FAM118A: variants seen among roughly 807,000 people sequenced by gnomAD.
FAM118A encodes protein FAM118A.
A neutral mutation model predicts 38.2 loss-of-function variants in FAM118A; 25 were observed. The observed-to-expected ratio is 0.65, with a 90% CI of 0.48 to 0.91. FAM118A has a LOEUF of 0.91. Among genes scored for constraint, FAM118A ranks in the 40% least tolerant of loss-of-function variants. FAM118A has a pLI of 0.00. For synonymous variants in FAM118A, 178 were observed against 184.1 expected, an observed-to-expected ratio of 0.97 and a Z score of 0.27; for missense variants, 425 against 463.3, an observed-to-expected ratio of 0.92 and a Z score of 0.76.
chr22:45,321,861 G>A, intron 1 of FAM118A: 1 of 173,482 alleles, frequency 5.8e-6, no homozygotes, highest in Admixed American at 5.6e-5. Flanking sequence ...GGGGAGGGCT[G>A]GTGCCTTGGA....
intron 4 of FAM118A, chr22:45,328,756 C>T: frequency 2.6e-6 from 1 of 377,616 alleles, no homozygotes; most frequent in East Asian, 4.2e-5. Flanking sequence ...CCAGCCTGGG[C>T]AAGAGAGTGA....
chr22:45,329,191 C>T (rs1475802269), intron 4 of FAM118A: 1 of 152,238 alleles, frequency 6.6e-6, no homozygotes, highest in African/African-American at 2.4e-5. Context: ...TTATAAATAA[C>T]ACTACAGGGT....
intron 1 of FAM118A, among the ~76,000 whole-genome samples, chr22:45,317,573 C>T (rs1031445101): frequency 4.6e-5 from 7 of 152,224 alleles, no homozygotes; most frequent in East Asian, 3.8e-4. Context: ...CACAGAGCCT[C>T]GTGATGTTCG....
intron 3 of FAM118A, among the ~76,000 whole-genome samples, chr22:45,324,909 T>A (rs999729541): frequency 1.3e-5 from 2 of 152,170 alleles, no homozygotes; most frequent in African/African-American, 4.8e-5. Flanking sequence ...TAACCTGGCG[T>A]GGTGGCAGGC....
At chr22:45,310,332 C>A (rs1238378349) in intron 1 of FAM118A, 149 bp downstream of exon 1, 1 of 151,850 alleles carries the variant, frequency 6.6e-6, no homozygotes, top group Non-Finnish European at 1.5e-5. Flanking sequence ...CCCTCAGGAT[C>A]CGCCCTGCCC....
chr22:45,335,607 G>A (rs73890288), intron 7 of FAM118A, among the ~76,000 whole-genome samples: 3,690 of 152,200 alleles, frequency 0.024, 146 homozygotes, highest in African/African-American at 0.084. Flanking sequence ...CGAATCACAC[G>A]TGAGCCAGCT....
At chr22:45,340,307 C>T (rs1266054272) in intron 8 of FAM118A, 79 bp from the exon 9 acceptor site, 9 of 1,543,296 alleles carry the variant, frequency 5.8e-6, no homozygotes. Flanking sequence ...AAAGCAGTTT[C>T]TGAAATAGAA....
At chr22:45,333,715 T>C (rs2085891205) in intron 6 of FAM118A, among the ~76,000 whole-genome samples, 1 of 147,900 alleles carries the variant, frequency 6.8e-6, no homozygotes, top group Non-Finnish European at 1.5e-5. Flanking sequence ...GTGGTGGACA[T>C]CTGTGATACC....
At position 45,330,583 on chromosome 22, in the gene FAM118A, C is replaced by G. The variant is rs904159432; in HGVS notation, c.523-20C>G. ...ACAGTTTGAGGATGTGTTTCTTTTT[C>G]TTGGCTTGATGTTTGGTAGGTCCTT... On this transcript the variant is annotated intron_variant, in intron 4 of 8. Coordinates refer to ENST00000441876, the MANE Select transcript of FAM118A (RefSeq NM_017911.4). The G allele has an allele frequency of 2.0e-6, 3 of 1,501,350 alleles. No homozygotes were observed. The African/African-American group carries it at 4.2e-5, about 21-fold the overall frequency. The allele number at this position is 1,501,350 out of a possible 1,614,324, so 93.0% of individuals were successfully genotyped here. A position where few individuals can be genotyped will look rare whatever the true frequency, so the allele number is the denominator to read the frequency against.
chr22:45,337,862 A>G lies in FAM118A; in HGVS notation c.1054+1451A>G, dbSNP rs1053264565. On this transcript the variant is annotated intron_variant, in intron 8 of 8. Coordinates refer to ENST00000441876, the MANE Select transcript of FAM118A (RefSeq NM_017911.4). ...TCTGTGCCATCCTCATGCTCGCGGGAGTTTTGGCATGGGATTCTCCGTTGT... is the reference window on the plus strand; with the variant it reads ...TCTGTGCCATCCTCATGCTCGCGGGGGTTTTGGCATGGGATTCTCCGTTGT... 5.1e-6 allele frequency: 5 copies of G among 985,044 alleles called. No homozygotes were observed. The African/African-American group carries it at 8.8e-5, about 17-fold the overall frequency. 61.0% of individuals were successfully genotyped at this position (985,044 alleles called of 1,614,324 possible).
intron 1 of FAM118A, among the ~76,000 whole-genome samples, chr22:45,313,467 C>T (rs1403736840): frequency 2.0e-5 from 3 of 151,860 alleles, no homozygotes; most frequent in Non-Finnish European, 1.5e-5. Context: ...GGATTACAGG[C>T]GCCTGCCACC....
intron 1 of FAM118A, among the ~76,000 whole-genome samples, chr22:45,312,084 T>C (rs751970118): frequency 8.5e-5 from 13 of 152,122 alleles, no homozygotes; most frequent in Non-Finnish European, 1.9e-4. Context: ...AAACCACCCA[T>C]CGTGCTTTTT....
intron 7 of FAM118A, 86 bp from the exon 8 acceptor site, chr22:45,336,242 G>T (rs1050987934): frequency 2.0e-5 from 21 of 1,042,074 alleles, no homozygotes; most frequent in Non-Finnish European, 2.7e-5. Context: ...TGCTTGGCCA[G>T]TGCTTCAGTA....
intron 3 of FAM118A, among the ~76,000 whole-genome samples, chr22:45,327,627 G>A (rs1228136571): frequency 3.9e-5 from 6 of 152,160 alleles, no homozygotes; most frequent in Non-Finnish European, 8.8e-5. Flanking sequence ...GCCTGCCCCC[G>A]TCTCTGCCGT....
chr22:45,310,739 G>A (rs2084327675), intron 1 of FAM118A, among the ~76,000 whole-genome samples: 1 of 152,188 alleles, frequency 6.6e-6, no homozygotes, highest in Non-Finnish European at 1.5e-5. Context: ...CCCCGCGCCT[G>A]CAGGTGCAGG....
chr22:45,310,227 C>T (rs2084300552), intron 1 of FAM118A, 44 bp downstream of exon 1: 1 of 151,964 alleles, frequency 6.6e-6, no homozygotes, highest in Non-Finnish European at 1.5e-5. Flanking sequence ...TCCGGAGCCC[C>T]TGGGGACCCC....
At chr22:45,313,043 AT>A (rs757024030) in intron 1 of FAM118A, among the ~76,000 whole-genome samples, 4 of 152,262 alleles carry the variant, frequency 2.6e-5, no homozygotes, top group Non-Finnish European at 5.9e-5. Flanking sequence ...CTTTCTGGTG[AT>A]AAGCCCCCTT....
At chr22:45,327,815 G>C (rs6007591) in intron 3 of FAM118A, 27 bp from the exon 4 acceptor site, 521,277 of 1,610,214 alleles carry the variant, frequency 0.32, 97,495 homozygotes, top group African/African-American at 0.8. Context: ...CTGATGTTTT[G>C]GTAACTGTCG....
chr22:45,339,809 G>A (rs1302335884), intron 8 of FAM118A, among the ~76,000 whole-genome samples: 1 of 152,192 alleles, frequency 6.6e-6, no homozygotes, highest in East Asian at 1.9e-4. Flanking sequence ...TGCACATCGC[G>A]GGTAGGGCCT....
Sources: gnomAD v4.1 joint callset for allele counts (sites outside exome capture counted in the v4.1 genomes callset) on GRCh38, gnomAD v4.1.1 for gene constraint, MANE v1.5 for transcripts, NCBI Gene and HGNC (gene_info 2026-07-23, HGNC 2026-07-21) for gene names.